TMEM207: variants seen among roughly 807,000 people sequenced by gnomAD.
TMEM207 encodes transmembrane protein 207.
TMEM207 carries 15 observed loss-of-function variants against 17.4 expected under a neutral mutation model. The observed-to-expected ratio is 0.86, with a 90% CI of 0.58 to 1.33. The LOEUF (loss-of-function observed/expected upper bound fraction) is 1.33, where lower values mean the gene tolerates loss of function less well. Ranked by LOEUF, TMEM207 falls within the 40% of genes most tolerant of loss-of-function variation. The pLI, the probability that TMEM207 is intolerant of heterozygous loss-of-function variation, is 0.00. For synonymous variants in TMEM207, 70 were observed against 65.6 expected, an observed-to-expected ratio of 1.07 and a Z score of -0.33; for missense variants, 205 against 173.8, an observed-to-expected ratio of 1.18 and a Z score of -1.01.
intron 4 of TMEM207, among the ~76,000 whole-genome samples, chr3:190,432,217 C>G (rs1269782676): frequency 6.6e-6 from 1 of 152,216 alleles, no homozygotes; most frequent in Non-Finnish European, 1.5e-5. Flanking sequence ...TTAAGAATCA[C>G]TCAAATAGAC....
intron 4 of TMEM207, among the ~76,000 whole-genome samples, chr3:190,435,865 C>A (rs1033484730): frequency 2.6e-5 from 4 of 152,210 alleles, no homozygotes; most frequent in Non-Finnish European, 5.9e-5. Flanking sequence ...GCTGGCAACA[C>A]CCTCCTTACA....
chr3:190,434,398 C>T (rs1251848660), intron 4 of TMEM207, among the ~76,000 whole-genome samples: 3 of 152,048 alleles, frequency 2.0e-5, no homozygotes, highest in African/African-American at 7.3e-5. Context: ...CAGGGGTTTC[C>T]ACTTTTGCAT....
chr3:190,437,021 CA>C (rs1560106705), intron 4 of TMEM207, among the ~76,000 whole-genome samples: 1 of 151,838 alleles, frequency 6.6e-6, no homozygotes, highest in Non-Finnish European at 1.5e-5. Context: ...GGCACACACA[CA>C]AAAAAAGATA....
intron 2 of TMEM207, among the ~76,000 whole-genome samples, chr3:190,445,980 A>T (rs900599115): frequency 1.3e-5 from 2 of 152,112 alleles, no homozygotes; most frequent in African/African-American, 4.8e-5. Flanking sequence ...TCCATGTTTC[A>T]TGTTTTTACT....
At chr3:190,444,490 G>A in intron 2 of TMEM207, 1 of 956,144 alleles carries the variant, frequency 1.0e-6, no homozygotes, top group African/African-American at 2.0e-5. Flanking sequence ...ATGCTTTAAG[G>A]AAATACTGAA....
intron 1 of TMEM207, 58 bp from the exon 2 acceptor site, chr3:190,447,885 T>C: frequency 6.6e-7 from 1 of 1,519,320 alleles, no homozygotes; most frequent in South Asian, 1.2e-5. Flanking sequence ...AATCCTTTAA[T>C]ACAAGCAGCG....
chr3:190,444,720 CCAGA>C (rs1290554317), intron 2 of TMEM207, among the ~76,000 whole-genome samples: 1 of 152,140 alleles, frequency 6.6e-6, no homozygotes, highest in African/African-American at 2.4e-5. Context: ...GCATTACTCA[CCAGA>C]TGTACAACTA....
At chr3:190,438,165 G>A (rs1460134935) in intron 4 of TMEM207, among the ~76,000 whole-genome samples, 6 of 151,752 alleles carry the variant, frequency 4.0e-5, no homozygotes, top group Non-Finnish European at 8.8e-5. Context: ...GTTAATGGGT[G>A]TAGCACACCA....
chr3:190,434,282 G>A (rs1072172), intron 4 of TMEM207, among the ~76,000 whole-genome samples: 30,174 of 152,082 alleles, frequency 0.2, 3,248 homozygotes, highest in East Asian at 0.36. Flanking sequence ...CATAATTCCC[G>A]TGTGTTGTGG....
intron 3 of TMEM207, 87 bp from the exon 4 acceptor site, chr3:190,440,476 G>A: frequency 1.6e-6 from 2 of 1,225,142 alleles, no homozygotes; most frequent in East Asian, 5.2e-5. Context: ...GTGGGGTGAA[G>A]ACTCAGCTAG....
intron 4 of TMEM207, among the ~76,000 whole-genome samples, chr3:190,437,901 T>C (rs1577444550): frequency 1.3e-5 from 2 of 151,448 alleles, no homozygotes; most frequent in South Asian, 2.1e-4. Flanking sequence ...ATATACACCA[T>C]GGAATACTAT....
intron 3 of TMEM207, among the ~76,000 whole-genome samples, chr3:190,440,901 T>C (rs1184573193): frequency 6.6e-6 from 1 of 152,092 alleles, no homozygotes; most frequent in Admixed American, 6.5e-5. Flanking sequence ...ACCCCGTCTC[T>C]ACTAAAAAAT....
chr3:190,444,396 G>T (rs1720001288), intron 2 of TMEM207: 1 of 984,520 alleles, frequency 1.0e-6, no homozygotes, highest in African/African-American at 1.7e-5. Flanking sequence ...ATGTCGTGGT[G>T]CGACTGGGAC....
Position 190,429,452 on chromosome 3 carries a change from C to T in TMEM207, c.*143G>A. On this transcript the variant is annotated 3_prime_UTR_variant, in exon 5 of 5. Transcript: ENST00000354905. Reference sequence around the variant, plus strand: ...CATGACCAAAATTTTTTCCAACATCCATTCTTTTGTCGAATTGTCCTTCCT... The same window carrying T: ...CATGACCAAAATTTTTTCCAACATCTATTCTTTTGTCGAATTGTCCTTCCT... 2 of 1,233,328 alleles carry T rather than the reference C, an allele frequency of 1.6e-6. No homozygotes were observed. Among genetic ancestry groups the T allele is most frequent in the Non-Finnish European group, 2.2e-6 (2 of 913,624 alleles). The allele number at this position is 1,233,328 out of a possible 1,614,324, so 76.4% of individuals were successfully genotyped here.
intron 4 of TMEM207, among the ~76,000 whole-genome samples, chr3:190,432,581 G>T (rs1473134055): frequency 1.3e-5 from 2 of 152,116 alleles, no homozygotes; most frequent in Non-Finnish European, 2.9e-5. Context: ...ATAAGTCACA[G>T]AATATTTACA....
chr3:190,438,513 T>C (rs919662936), intron 4 of TMEM207, among the ~76,000 whole-genome samples: 3 of 152,142 alleles, frequency 2.0e-5, no homozygotes, highest in Admixed American at 1.3e-4. Context: ...GGTATAACCA[T>C]GGCACATAAG....
In TMEM207 at chr3:190,440,344, A is replaced by C. The variant is rs774959762; in HGVS notation, c.204T>G (p.Ala68=). Residue 68 remains alanine (A), a synonymous_variant, in exon 4 of 5, where the codon GCT becomes GCG. Coordinates refer to ENST00000354905, the MANE Select transcript of TMEM207 (RefSeq NM_207316.3). The part of the protein sequence containing the change: ...LVLVAALLCG[A]VVLCLQCWLR... ...GCCAGCACTGGAGGCAGAGGACCACAGCTCCACAGAGAAGAGCTGCCACCA... is the reference window on the plus strand; with the variant it reads ...GCCAGCACTGGAGGCAGAGGACCACCGCTCCACAGAGAAGAGCTGCCACCA... 4 of 1,613,964 alleles carry C rather than the reference A, an allele frequency of 2.5e-6. No individual in the cohort carries two copies. Among genetic ancestry groups the C allele is most frequent in the Admixed American group, 1.7e-5 (1 of 59,956 alleles).
chr3:190,446,633 T>C (rs924379353), intron 2 of TMEM207, among the ~76,000 whole-genome samples: 2 of 152,202 alleles, frequency 1.3e-5, no homozygotes, highest in African/African-American at 4.8e-5. Flanking sequence ...TACTACTCAT[T>C]TACTATTTCT....
intron 4 of TMEM207, among the ~76,000 whole-genome samples, chr3:190,433,490 T>C (rs1482555490): frequency 6.6e-6 from 1 of 152,238 alleles, no homozygotes; most frequent in Non-Finnish European, 1.5e-5. Context: ...TATTTTACCC[T>C]ATCATAATTA....
Sources: gnomAD v4.1 joint callset for allele counts (sites outside exome capture counted in the v4.1 genomes callset) on GRCh38, gnomAD v4.1.1 for gene constraint, MANE v1.5 for transcripts, NCBI Gene and HGNC (gene_info 2026-07-23, HGNC 2026-07-21) for gene names.